The following UACA variants were observed in gnomAD, a reference collection of about 807,000 sequenced individuals.
UACA encodes the protein uveal autoantigen with coiled-coil domains and ankyrin repeats.
Under a neutral mutation model 160.5 loss-of-function variants are expected in UACA, and 112 were observed. That is an observed-to-expected ratio of 0.70 (90% CI 0.60 to 0.82). UACA has a LOEUF of 0.82. Ranked by LOEUF, UACA falls within the 40% of genes least tolerant of loss-of-function variation. The pLI is 0.00. For synonymous variants in UACA, 557 were observed against 568.4 expected, an observed-to-expected ratio of 0.98 and a Z score of 0.29; for missense variants, 1,574 against 1,614.6, an observed-to-expected ratio of 0.97 and a Z score of 0.43.
In UACA at chr15:70,708,122, C is replaced by A. The variant is rs80241053; in HGVS notation, c.79-8462G>T. ...AGGAAGGAAATCCTGTCACATGCTA[C>A]GACATAGATGAATCTTGAGAGACAT... On this transcript the variant is annotated intron_variant, in intron 1 of 18. Coordinates refer to ENST00000322954, the MANE Select transcript of UACA (RefSeq NM_018003.4). Among the ~76,000 whole-genome samples the A allele has an allele frequency of 2.6e-5, 4 of 152,112 alleles. No homozygotes were observed. The East Asian group carries it at 7.7e-4, about 29-fold the overall frequency.
intron 1 of UACA, among the ~76,000 whole-genome samples, chr15:70,713,028 G>C (rs1247523318): frequency 6.6e-6 from 1 of 152,154 alleles, no homozygotes; most frequent in Admixed American, 6.5e-5. Context: ...AAGCAACCAA[G>C]GAAAACAAAC....
intron 10 of UACA, 148 bp from the exon 11 acceptor site, chr15:70,678,354 C>T: frequency 2.0e-6 from 1 of 512,386 alleles, no homozygotes; most frequent in South Asian, 3.4e-5. Flanking sequence ...CAATGATATG[C>T]CAATGATTTA....
At chr15:70,670,368 T>C (rs1243999468) in intron 15 of UACA, among the ~76,000 whole-genome samples, 1 of 152,004 alleles carries the variant, frequency 6.6e-6, no homozygotes, top group East Asian at 1.9e-4. Context: ...GGAGGAGAAA[T>C]GCAAACCCCA....
At chr15:70,694,032 C>T (rs1898036516) in intron 3 of UACA, among the ~76,000 whole-genome samples, 1 of 152,064 alleles carries the variant, frequency 6.6e-6, no homozygotes, top group Non-Finnish European at 1.5e-5. Flanking sequence ...AAACACAATG[C>T]TGGGTAAAAG....
At chr15:70,706,024 A>G (rs1454257595) in intron 1 of UACA, among the ~76,000 whole-genome samples, 1 of 152,170 alleles carries the variant, frequency 6.6e-6, no homozygotes, top group Non-Finnish European at 1.5e-5. Flanking sequence ...AAAATAATCA[A>G]AACAATCAGA....
chr15:70,729,896 C>CGGCAGG (rs1899269915), intron 1 of UACA, among the ~76,000 whole-genome samples: 1 of 116,562 alleles, frequency 8.6e-6, no homozygotes, highest in Non-Finnish European at 1.7e-5. Context: ...ACACCTCACA[C>CGGCAGG]GGCAGGGTAT....
At chr15:70,728,567 A>T (rs1401217455) in intron 1 of UACA, among the ~76,000 whole-genome samples, 3 of 151,454 alleles carry the variant, frequency 2.0e-5, no homozygotes, top group Non-Finnish European at 4.4e-5. Context: ...CCATCTCAAA[A>T]AAAAAAAGAA....
At chr15:70,767,114 C>A (rs139200669), upstream of UACA, among the ~76,000 whole-genome samples, 1,270 of 151,724 alleles carry the variant, frequency 8.4e-3, 13 homozygotes, top group African/African-American at 0.029. Flanking sequence ...GTGGCAGGCA[C>A]CTGTAGTCCC....
rs1034981839 is a variant in UACA, at chr15:70,719,059, AAGGGAGGAAGGAAAG to A, written c.79-19414_79-19400del. ...GAAGGGAGGAAGGAAGGGTAGAAAGAAGGGAGGAAGGAAAGAGGGAGGAAGGAAGAAAGAGAAAGA... is the reference window on the plus strand; with the variant it reads ...GAAGGGAGGAAGGAAGGGTAGAAAGAAGGGAGGAAGGAAGAAAGAGAAAGA... On this transcript the variant is annotated intron_variant, in intron 1 of 18. Transcript: ENST00000322954. Among the ~76,000 whole-genome samples the A allele has an allele frequency of 7.9e-5, 12 of 151,770 alleles. No individual in the cohort carries two copies. The South Asian group carries it at 1.0e-3, about 13-fold the overall frequency.
At chr15:70,718,751 G>A (rs1054927506) in intron 1 of UACA, among the ~76,000 whole-genome samples, 4 of 152,046 alleles carry the variant, frequency 2.6e-5, no homozygotes, top group Non-Finnish European at 4.4e-5. Flanking sequence ...TACCAAAAGT[G>A]GGGTGCTACC....
In UACA at chr15:70,666,707, G is replaced by T; in HGVS notation, c.3960+17C>A. 1 of 1,570,260 alleles carries T rather than the reference G, an allele frequency of 6.4e-7. No individual in the cohort carries two copies. The highest frequency in any genetic ancestry group is 1.2e-5 in the South Asian group (1 of 82,408). ...GGGGTTTCCAACACATAGCCGTGCA[G>T]ACTACTTTGTACCTACCTTATTATC... On this transcript the variant is annotated intron_variant, in intron 16 of 18. Transcript: ENST00000322954.
At chr15:70,695,128 T>C in intron 2 of UACA, 23 bp from the exon 3 acceptor site, 2 of 1,557,464 alleles carry the variant, frequency 1.3e-6, no homozygotes, top group Non-Finnish European at 8.7e-7. Context: ...AAAATATTTG[T>C]TGTGCTAAGG....
At chr15:70,774,056 A>T in the UACA span, among the ~76,000 whole-genome samples, 7 of 152,208 alleles carry the variant, frequency 4.6e-5, no homozygotes, top group Admixed American at 4.6e-4. Context: ...TATACCCCAT[A>T]GCACAAAGTA....
intron 9 of UACA, among the ~76,000 whole-genome samples, chr15:70,681,085 C>T (rs1897485761): frequency 6.6e-6 from 1 of 152,202 alleles, no homozygotes; most frequent in Non-Finnish European, 1.5e-5. Context: ...AGGCTTCTCC[C>T]ACAGACTTCC....
the UACA span, among the ~76,000 whole-genome samples, chr15:70,769,809 C>T: frequency 1.3e-5 from 2 of 152,084 alleles, no homozygotes; most frequent in African/African-American, 4.8e-5. Flanking sequence ...CCAGCCTGGC[C>T]AATATGGTGA....
At chr15:70,743,533 G>A (rs1899603391) in intron 1 of UACA, among the ~76,000 whole-genome samples, 1 of 152,116 alleles carries the variant, frequency 6.6e-6, no homozygotes, top group Non-Finnish European at 1.5e-5. Flanking sequence ...AAACTTTAAG[G>A]TCACTTCCAG....
chr15:70,763,313 C>G lies in UACA; in HGVS notation c.78+17G>C. The G allele has an allele frequency of 1.5e-6, 2 of 1,327,094 alleles. No individual in the cohort carries two copies. Among genetic ancestry groups the G allele is most frequent in the Non-Finnish European group, 1.9e-6 (2 of 1,032,566 alleles). The allele number at this position is 1,327,094 out of a possible 1,614,324, so 82.2% of individuals were successfully genotyped here. A position where few individuals can be genotyped will look rare whatever the true frequency, so the allele number is the denominator to read the frequency against. On this transcript the variant is annotated intron_variant, in intron 1 of 18. Coordinates refer to ENST00000322954, the MANE Select transcript of UACA (RefSeq NM_018003.4). ...TCCCGGAGCGGAGCGCCTCGCAGCCCGGACCGCGGGACTCACCGCGCTGGC... is the reference window on the plus strand; with the variant it reads ...TCCCGGAGCGGAGCGCCTCGCAGCCGGGACCGCGGGACTCACCGCGCTGGC...
chr15:70,657,913 G>A (rs942746204), intron 18 of UACA, among the ~76,000 whole-genome samples: 6 of 139,124 alleles, frequency 4.3e-5, no homozygotes, highest in Non-Finnish European at 9.6e-5. Flanking sequence ...GGAGACTGTC[G>A]CAAAAACTTA....
In UACA at chr15:70,666,785, ATTG is replaced by A. The variant is rs779889058; in HGVS notation, c.3896_3898del (p.Thr1299del). ...TTGTATTCTTCTTTGTAACTCTGTGATTGTTGTTAAGGACTTATCACATCGTTC... is the reference window on the plus strand; with the variant it reads ...TTGTATTCTTCTTTGTAACTCTGTGATTGTTAAGGACTTATCACATCGTTC... On this transcript the variant is annotated inframe_deletion, in exon 16 of 19. Coordinates refer to ENST00000322954, the MANE Select transcript of UACA (RefSeq NM_018003.4). 77 of 1,611,212 alleles carry A rather than the reference ATTG, an allele frequency of 4.8e-5. No individual in the cohort carries two copies. Among genetic ancestry groups the A allele is most frequent in the Non-Finnish European group, 4.8e-5 (57 of 1,179,360 alleles).
Sources: allele counts gnomAD v4.1 joint callset (sites outside exome capture counted in the v4.1 genomes callset), GRCh38; gene constraint gnomAD v4.1.1; transcripts MANE v1.5; gene names NCBI Gene and HGNC (gene_info 2026-07-23, HGNC 2026-07-21).